Variants in PPARG observed in about 807,000 individuals in gnomAD.
PPARG encodes the protein peroxisome proliferator activated receptor gamma.
PPARG carries 17 observed loss-of-function variants against 39.2 expected under a neutral mutation model. The observed-to-expected ratio is 0.43, with a 90% confidence interval of 0.30 to 0.65. The LOEUF is 0.65. Among genes scored for constraint, PPARG ranks in the 30% least tolerant of loss-of-function variants. The pLI is 0.13. For missense variants in PPARG, 406 were observed against 585.9 expected (o/e 0.69, Z 3.17); for synonymous variants, 223 against 215.7 (o/e 1.03, Z -0.30).
intron 1 of PPARG, among the ~76,000 whole-genome samples, chr3:12,303,831 T>C (rs146046308): frequency 1.3e-5 from 2 of 152,328 alleles, no homozygotes; most frequent in Non-Finnish European, 2.9e-5. Context: ...GGGTGACTTA[T>C]CAGGTCTTGT....
At chr3:12,393,190 A>ATTTTTTTTTTTTT (rs143287325) in intron 5 of PPARG, among the ~76,000 whole-genome samples, 39 of 111,506 alleles carry the variant, frequency 3.5e-4, no homozygotes, top group Non-Finnish European at 4.8e-4. Context: ...GATTCATTTA[A>ATTTTTTTTTTTTT]TTTTTTTTTT....
intron 2 of PPARG, among the ~76,000 whole-genome samples, chr3:12,344,565 G>A (rs1054616446): frequency 6.6e-6 from 1 of 152,110 alleles, no homozygotes; most frequent in African/African-American, 2.4e-5. Context: ...CTATTTGTTG[G>A]TGTGAAGAAA....
chr3:12,408,098 C>G (rs2050736657), intron 6 of PPARG, among the ~76,000 whole-genome samples: 1 of 152,164 alleles, frequency 6.6e-6, no homozygotes, highest in Non-Finnish European at 1.5e-5. Flanking sequence ...CATGCTAGCC[C>G]CTCAGTAGCA....
intron 2 of PPARG, among the ~76,000 whole-genome samples, chr3:12,344,300 T>G (rs1489495526): frequency 6.6e-6 from 1 of 152,110 alleles, no homozygotes; most frequent in African/African-American, 2.4e-5. Flanking sequence ...TCTTCTTACT[T>G]TTACTAATGC....
intron 4 of PPARG, among the ~76,000 whole-genome samples, chr3:12,381,812 C>A (rs1283546805): frequency 1.3e-5 from 2 of 152,194 alleles, no homozygotes; most frequent in Non-Finnish European, 2.9e-5. Flanking sequence ...CTAATTTAAT[C>A]CTTGCATCTT....
At chr3:12,407,839 T>C (rs185815318) in intron 6 of PPARG, among the ~76,000 whole-genome samples, 26 of 152,334 alleles carry the variant, frequency 1.7e-4, no homozygotes, top group Middle Eastern at 3.4e-3. Context: ...GATTTGAAAA[T>C]AGGTCTTTGA....
At chr3:12,397,529 C>T (rs1175209945) in intron 5 of PPARG, among the ~76,000 whole-genome samples, 2 of 151,238 alleles carry the variant, frequency 1.3e-5, no homozygotes, top group Admixed American at 1.3e-4. Flanking sequence ...TCCTGCCTCA[C>T]CCTCCTGAGT....
At chr3:12,387,947 T>G (rs906727868) in intron 4 of PPARG, among the ~76,000 whole-genome samples, 17 of 152,266 alleles carry the variant, frequency 1.1e-4, no homozygotes, top group African/African-American at 4.1e-4. Context: ...CTTCCTCTCC[T>G]AGCCATGCCA....
chr3:12,354,339 G>T (rs2048585406), intron 2 of PPARG, among the ~76,000 whole-genome samples: 1 of 152,106 alleles, frequency 6.6e-6, no homozygotes, highest in African/African-American at 2.4e-5. Context: ...CAGGATTAAT[G>T]GGAGGATTAA....
intron 2 of PPARG, among the ~76,000 whole-genome samples, chr3:12,322,351 A>G (rs1277177308): frequency 6.6e-6 from 1 of 152,234 alleles, no homozygotes; most frequent in African/African-American, 2.4e-5. Flanking sequence ...TTATTGCACT[A>G]CCTTTATGTA....
chr3:12,407,779 AG>A (rs2050725790), intron 6 of PPARG, among the ~76,000 whole-genome samples: 1 of 152,246 alleles, frequency 6.6e-6, no homozygotes, highest in Admixed American at 6.5e-5. Flanking sequence ...TAATAGAAAA[AG>A]GAAACTTATG....
At chr3:12,431,218 A>G (rs2051648485) in intron 7 of PPARG, among the ~76,000 whole-genome samples, 1 of 152,168 alleles carries the variant, frequency 6.6e-6, no homozygotes, top group Admixed American at 6.5e-5. Context: ...GAAAACAAAA[A>G]CTGAAACCCA....
chr3:12,383,759 C>A lies in PPARG; in HGVS notation c.390+2268C>A, dbSNP rs370736084. On this transcript the variant is annotated intron_variant, in intron 4 of 7. Coordinates refer to ENST00000651735, the MANE Select transcript of PPARG (RefSeq NM_138711.6). ...CTGAAAACAGCTGAAAATGGAAAGA[C>A]AAGAACATTGTCAGTAGTTGGTTAT... Among the ~76,000 whole-genome samples, 12 of 152,028 alleles carry A rather than the reference C, an allele frequency of 7.9e-5. No homozygotes were observed. The East Asian group carries it at 1.4e-3, about 17-fold the overall frequency.
At chr3:12,331,615 G>A (rs2047862056) in intron 2 of PPARG, among the ~76,000 whole-genome samples, 1 of 152,208 alleles carries the variant, frequency 6.6e-6, no homozygotes, top group Non-Finnish European at 1.5e-5. Context: ...AGGACGCCAG[G>A]TGGGAAGCTA....
intron 6 of PPARG, chr3:12,406,292 TA>T: frequency 1.6e-6 from 1 of 612,936 alleles, no homozygotes. Context: ...GAAAAGTCCA[TA>T]AAGTTTTTGA....
intron 2 of PPARG, chr3:12,351,465 T>C (rs1011830747): frequency 2.6e-5 from 19 of 730,454 alleles, no homozygotes; most frequent in Non-Finnish European, 4.1e-5. Flanking sequence ...TGGAAACTGA[T>C]GTCTTGACTC....
intron 7 of PPARG, among the ~76,000 whole-genome samples, chr3:12,425,271 G>C (rs925992988): frequency 1.3e-5 from 2 of 152,178 alleles, no homozygotes; most frequent in African/African-American, 4.8e-5. Context: ...TGAACTTCTT[G>C]GGGACTTCAT....
intron 2 of PPARG, among the ~76,000 whole-genome samples, chr3:12,375,781 A>C (rs537080602): frequency 6.6e-6 from 1 of 152,138 alleles, no homozygotes; most frequent in Non-Finnish European, 1.5e-5. Context: ...TCACCAGTAC[A>C]CATTCCCCTT....
At chr3:12,327,129 T>G (rs2047718154) in intron 2 of PPARG, among the ~76,000 whole-genome samples, 1 of 152,184 alleles carries the variant, frequency 6.6e-6, no homozygotes, top group Admixed American at 6.5e-5. Context: ...ATACCAGAGG[T>G]AGAGTGAAGA....
Sources: allele counts gnomAD v4.1 joint callset (sites outside exome capture counted in the v4.1 genomes callset), GRCh38; gene constraint gnomAD v4.1.1; transcripts MANE v1.5; gene names NCBI Gene and HGNC (gene_info 2026-07-23, HGNC 2026-07-21).